Variants in PRKCH observed in about 807,000 individuals in gnomAD.
PRKCH encodes the protein protein kinase C eta, also known as protein kinase C eta type.
A neutral mutation model predicts 82.5 loss-of-function variants in PRKCH; 28 were observed. That is an observed-to-expected ratio of 0.34 (90% CI 0.25 to 0.47). The LOEUF is 0.47. Ranked by LOEUF, PRKCH falls within the 20% of genes least tolerant of loss-of-function variation. The probability of loss-of-function intolerance (pLI) is 1.00; values close to 1 mark genes in which losing one functional copy is unlikely to be tolerated. For synonymous variants in PRKCH, 322 were observed against 327.4 expected, an observed-to-expected ratio of 0.98 and a Z score of 0.18; for missense variants, 705 against 881.8, an observed-to-expected ratio of 0.80 and a Z score of 2.54.
chr14:61,530,705 A>T, intron 12 of PRKCH, 110 bp downstream of exon 12: 1 of 1,013,462 alleles, frequency 9.9e-7, no homozygotes, highest in Non-Finnish European at 1.4e-6. Context: ...GCTCTAACTA[A>T]AATTTGTATT....
At chr14:61,335,710 A>G (rs1452605419) in intron 1 of PRKCH, among the ~76,000 whole-genome samples, 1 of 152,238 alleles carries the variant, frequency 6.6e-6, no homozygotes, top group African/African-American at 2.4e-5. Flanking sequence ...ATAGTTTTAG[A>G]TAATGCCTAT....
intron 1 of PRKCH, chr14:61,305,987 C>T (rs2045483155): frequency 6.6e-6 from 1 of 152,304 alleles, no homozygotes; most frequent in South Asian, 2.1e-4. Flanking sequence ...TTTATTCTAT[C>T]AGGCTATTAA....
chr14:61,307,951 C>T (rs1216719212), intron 1 of PRKCH, among the ~76,000 whole-genome samples: 2 of 152,222 alleles, frequency 1.3e-5, no homozygotes, highest in African/African-American at 4.8e-5. Flanking sequence ...ATCCTCCCAC[C>T]TCAGCCTTCT....
chr14:61,354,146 C>G (rs2046117066), intron 1 of PRKCH, among the ~76,000 whole-genome samples: 1 of 152,112 alleles, frequency 6.6e-6, no homozygotes, highest in African/African-American at 2.4e-5. Flanking sequence ...TGCTTCCAAA[C>G]AGAAGATACT....
intron 1 of PRKCH, among the ~76,000 whole-genome samples, chr14:61,375,570 G>C (rs2046418520): frequency 6.6e-6 from 1 of 151,980 alleles, no homozygotes; most frequent in Non-Finnish European, 1.5e-5. Context: ...GGAGGTGAGG[G>C]GGAAGCAAGC....
chr14:61,461,775 A>G (rs1594732790), intron 9 of PRKCH, among the ~76,000 whole-genome samples: 2 of 152,386 alleles, frequency 1.3e-5, no homozygotes, highest in East Asian at 3.9e-4. Context: ...TTGGGAACCC[A>G]ATCAATATAG....
upstream of PRKCH, among the ~76,000 whole-genome samples, chr14:61,318,122 G>A (rs2045578899): frequency 6.6e-6 from 1 of 151,696 alleles, no homozygotes; most frequent in South Asian, 2.1e-4. Flanking sequence ...CACCCAGGCT[G>A]GAGTGCAGTA....
chr14:61,405,276 T>C (rs1165200381), intron 2 of PRKCH, among the ~76,000 whole-genome samples: 1 of 152,208 alleles, frequency 6.6e-6, no homozygotes, highest in Non-Finnish European at 1.5e-5. Context: ...TAATTAGCTG[T>C]AATTCAGTTC....
intron 10 of PRKCH, among the ~76,000 whole-genome samples, chr14:61,504,697 AC>A (rs1428710939): frequency 1.1e-4 from 17 of 152,216 alleles, no homozygotes; most frequent in Non-Finnish European, 7.3e-5. Flanking sequence ...AAATTTAGTA[AC>A]TAAAGCATTA....
At chr14:61,220,735 C>T (rs2044649579) in intron 1 of PRKCH, among the ~76,000 whole-genome samples, 2 of 151,868 alleles carry the variant, frequency 1.3e-5, no homozygotes. Flanking sequence ...TTCACATCAT[C>T]AACACGGGAG....
At chr14:61,501,472 C>T (rs1484681541) in intron 10 of PRKCH, among the ~76,000 whole-genome samples, 1 of 152,054 alleles carries the variant, frequency 6.6e-6, no homozygotes, top group Non-Finnish European at 1.5e-5. Flanking sequence ...GCGAAAGCTA[C>T]ACCAAGAGTC....
intron 1 of PRKCH, among the ~76,000 whole-genome samples, chr14:61,339,912 G>A (rs894466889): frequency 4.0e-5 from 6 of 151,538 alleles, no homozygotes; most frequent in Non-Finnish European, 7.4e-5. Flanking sequence ...CTCCAAGTGC[G>A]GGGCTCAAGC....
chr14:61,495,580 A>G (rs1190117946), intron 10 of PRKCH, among the ~76,000 whole-genome samples: 1 of 152,244 alleles, frequency 6.6e-6, no homozygotes, highest in East Asian at 1.9e-4. Context: ...AAGTCTACCC[A>G]ATGCAAACCT....
intron 2 of PRKCH, among the ~76,000 whole-genome samples, chr14:61,392,277 T>C (rs1278059870): frequency 6.6e-6 from 1 of 152,188 alleles, no homozygotes; most frequent in African/African-American, 2.4e-5. Flanking sequence ...GATAATTATA[T>C]AGGAGTGGAA....
At chr14:61,403,511 C>G (rs552479291) in intron 2 of PRKCH, among the ~76,000 whole-genome samples, 1 of 152,290 alleles carries the variant, frequency 6.6e-6, no homozygotes, top group African/African-American at 2.4e-5. Context: ...TGTTATAAGC[C>G]TGTTCTCATA....
intron 2 of PRKCH, among the ~76,000 whole-genome samples, chr14:61,433,161 T>G (rs1883503828): frequency 6.6e-6 from 1 of 152,052 alleles, no homozygotes; most frequent in African/African-American, 2.4e-5. Flanking sequence ...CTGTTTACAG[T>G]GAGCAACAGT....
intron 1 of PRKCH, among the ~76,000 whole-genome samples, chr14:61,263,753 C>T (rs1415755120): frequency 1.3e-5 from 2 of 151,826 alleles, no homozygotes; most frequent in Non-Finnish European, 2.9e-5. Flanking sequence ...TAGAGAAATA[C>T]AAACACAAGC....
At chr14:61,320,164 C>CCTGGATGACAAAGCAAAACCCAGT (rs1475726767), upstream of PRKCH, among the ~76,000 whole-genome samples, 96 of 152,050 alleles carry the variant, frequency 6.3e-4, no homozygotes, top group Non-Finnish European at 1.1e-3. Flanking sequence ...TGTATTCCAG[C>CCTGGATGACAAAGCAAAACCCAGT]CTGGATGACA....
intron 1 of PRKCH, among the ~76,000 whole-genome samples, chr14:61,189,372 G>A (rs1594843592): frequency 1.4e-5 from 2 of 138,204 alleles, no homozygotes; most frequent in Middle Eastern, 3.4e-3. Context: ...AAAGGCAAAG[G>A]GGGGATGGAA....
Sources: gnomAD v4.1 joint callset for allele counts (sites outside exome capture counted in the v4.1 genomes callset) on GRCh38, gnomAD v4.1.1 for gene constraint, MANE v1.5 for transcripts, NCBI Gene and HGNC (gene_info 2026-07-23, HGNC 2026-07-21) for gene names.